Variants in SASH1 observed in about 807,000 individuals in gnomAD.
SASH1 encodes SAM and SH3 domain containing 1.
Under a neutral mutation model 125.2 loss-of-function variants are expected in SASH1, and 44 were observed. That is an observed-to-expected ratio of 0.35 (90% confidence interval 0.28 to 0.45). The LOEUF (loss-of-function observed/expected upper bound fraction) is 0.45, where lower values mean the gene tolerates loss of function less well. SASH1 is among the 20% of genes least tolerant of loss of function. SASH1 has a pLI of 1.00. For missense variants in SASH1, 1,426 were observed against 1,614.5 expected (o/e 0.88, Z 2.00); for synonymous variants, 639 against 649.1 (o/e 0.98, Z 0.24).
At position 148,322,896 on chromosome 6, in the gene SASH1, C is replaced by A. The variant is rs1780678799; in HGVS notation, n.74+50519C>A. On this transcript the variant is annotated intron_variant and non_coding_transcript_variant, in intron 1 of 3. Transcript: ENST00000367469. ...CTTTCTTTCTTTCTTTTTCTTCTTT[C>A]TTTCTCTCTCTTTCTTTCTTTTTTC... Among the ~76,000 whole-genome samples the A allele has an allele frequency of 4.3e-5, 6 of 139,084 alleles. 1 individual carries two copies. The highest frequency in any genetic ancestry group is 2.2e-4 in the Admixed American group (3 of 13,414). 91.2% of individuals were successfully genotyped at this position (139,084 alleles called of 152,430 possible).
chr6:148,228,634 G>A, the SASH1 span, among the ~76,000 whole-genome samples: 4 of 152,186 alleles, frequency 2.6e-5, no homozygotes, highest in African/African-American at 9.6e-5. Context: ...ATTAGGTCAT[G>A]GTACAGTTAG....
chr6:148,202,330 G>T, the SASH1 span, among the ~76,000 whole-genome samples: 4 of 152,110 alleles, frequency 2.6e-5, no homozygotes, highest in Admixed American at 2.6e-4. Context: ...AGGGCACAGC[G>T]CTGGTTCCAC....
At chr6:148,343,479 C>A (rs879403561) in intron 1 of SASH1, among the ~76,000 whole-genome samples, 1 of 152,168 alleles carries the variant, frequency 6.6e-6, no homozygotes, top group African/African-American at 2.4e-5. Flanking sequence ...ATCTGGGACA[C>A]CTGCTGACAT....
chr6:148,448,467 G>A (rs779976056), intron 4 of SASH1, among the ~76,000 whole-genome samples: 12 of 152,078 alleles, frequency 7.9e-5, no homozygotes, highest in African/African-American at 1.7e-4. Flanking sequence ...CTCTCCCCAC[G>A]TGAGTCCCTG....
In SASH1 at chr6:148,491,250, T is replaced by C. The variant is rs540588719; in HGVS notation, c.729+3535T>C. On this transcript the variant is annotated intron_variant, in intron 8 of 19. Transcript: ENST00000367467. Reference sequence around the variant, plus strand: ...CTATAGAAATATTTCAAGAAGAGCATTGTATTTGAACATTCATTCTTTTTT... The same window carrying C: ...CTATAGAAATATTTCAAGAAGAGCACTGTATTTGAACATTCATTCTTTTTT... Among the ~76,000 whole-genome samples, 9 of 152,308 alleles carry C rather than the reference T, an allele frequency of 5.9e-5. No individual in the cohort carries two copies. The East Asian group carries it at 9.6e-4, about 16-fold the overall frequency.
chr6:148,280,680 T>C (rs1013598367), intron 1 of SASH1, among the ~76,000 whole-genome samples: 1 of 152,058 alleles, frequency 6.6e-6, no homozygotes, highest in Non-Finnish European at 1.5e-5. Context: ...TGGTTGCACA[T>C]GCCTATAGTC....
chr6:148,506,899 A>G (rs1779832055), intron 8 of SASH1, among the ~76,000 whole-genome samples: 1 of 152,224 alleles, frequency 6.6e-6, no homozygotes. Flanking sequence ...ATACAGTCTC[A>G]GATTCTGCCC....
At chr6:148,400,682 T>C (rs1209970032) in intron 2 of SASH1, among the ~76,000 whole-genome samples, 7 of 152,092 alleles carry the variant, frequency 4.6e-5, no homozygotes, top group African/African-American at 9.7e-5. Context: ...ACCCGGGAAG[T>C]TGAGGCTGCA....
chr6:148,271,013 G>A (rs2128502463), upstream of SASH1, among the ~76,000 whole-genome samples: 2 of 151,248 alleles, frequency 1.3e-5, no homozygotes, highest in Middle Eastern at 6.8e-3. Flanking sequence ...GGGTTCAAGT[G>A]ATTCTCCTGT....
chr6:148,527,024 C>G (rs1229054603), intron 11 of SASH1, among the ~76,000 whole-genome samples: 1 of 152,100 alleles, frequency 6.6e-6, no homozygotes, highest in Non-Finnish European at 1.5e-5. Context: ...AGACGCCCAC[C>G]ACCACGCCCA....
At chr6:148,201,698 G>A in the SASH1 span, among the ~76,000 whole-genome samples, 4 of 152,114 alleles carry the variant, frequency 2.6e-5, no homozygotes, top group African/African-American at 9.7e-5. Context: ...GGGGCCTGTC[G>A]AAGACCTGGA....
chr6:148,244,928 GTGTA>G, the SASH1 span, among the ~76,000 whole-genome samples: 612 of 115,378 alleles, frequency 5.3e-3, 9 homozygotes, highest in African/African-American at 0.013. Flanking sequence ...GTGTGTGTGT[GTGTA>G]TGTGTGTGTG....
chr6:148,288,842 CA>C lies in SASH1; in HGVS notation n.74+16468del, dbSNP rs540521504. Among the ~76,000 whole-genome samples the C allele has an allele frequency of 2.3e-3, 347 of 152,314 alleles. 1 individual carries two copies. The highest frequency in any genetic ancestry group is 4.0e-3 in the Non-Finnish European group (275 of 68,024). On this transcript the variant is annotated intron_variant and non_coding_transcript_variant, in intron 1 of 3. Coordinates refer to the SASH1 transcript ENST00000367469. ...CTAAATGTGAACACCACATGTTGCT[CA>C]AATTATTGACATCAAAGCCTGGTTA...
chr6:148,381,649 A>G (rs1360678344), intron 1 of SASH1, among the ~76,000 whole-genome samples: 1 of 49,576 alleles, frequency 2.0e-5, no homozygotes, highest in African/African-American at 7.0e-5. Context: ...TTTTTGAGAC[A>G]GAGTCTTGCT....
chr6:148,242,112 C>G, the SASH1 span, among the ~76,000 whole-genome samples: 6,123 of 152,216 alleles, frequency 0.04, 192 homozygotes, highest in East Asian at 0.15. Context: ...TAATGTAGGA[C>G]TATTCAGGAT....
chr6:148,207,532 T>G, the SASH1 span, among the ~76,000 whole-genome samples: 1 of 152,136 alleles, frequency 6.6e-6, no homozygotes, highest in Non-Finnish European at 1.5e-5. Context: ...TAAGCTGTTA[T>G]TAGTTGTTTA....
chr6:148,206,793 G>GCGCGCACACA, the SASH1 span, among the ~76,000 whole-genome samples: 1 of 134,460 alleles, frequency 7.4e-6, no homozygotes, highest in African/African-American at 2.8e-5. Context: ...CCATCTCAAA[G>GCGCGCACACA]CACACACACA....
chr6:148,411,166 C>CAAAAAAAAAAAAAAAAAAAAAAAAA lies in SASH1; in HGVS notation c.285+20910_285+20934dup, dbSNP rs56342457. Among the ~76,000 whole-genome samples, 4 of 46,182 alleles carry CAAAAAAAAAAAAAAAAAAAAAAAAA rather than the reference C, an allele frequency of 8.7e-5. 1 individual carries two copies. The highest frequency in any genetic ancestry group is 1.5e-4 in the Non-Finnish European group (4 of 26,404). 30.3% of individuals were successfully genotyped at this position (46,182 alleles called of 152,430 possible). On this transcript the variant is annotated intron_variant, in intron 2 of 19. Transcript: ENST00000367467. ...TACAACAAGAGCGAAACTCCATCTC[C>CAAAAAAAAAAAAAAAAAAAAAAAAA]AAAAAAAAAAAAAAAAAAAAAAAAA...
chr6:148,307,090 T>TTC (rs1170335424), intron 1 of SASH1, among the ~76,000 whole-genome samples: 1 of 119,844 alleles, frequency 8.3e-6, no homozygotes, highest in African/African-American at 3.6e-5. Context: ...CTTTCTTTCT[T>TTC]TCTTTCTCTC....
Sources: allele counts gnomAD v4.1 joint callset (sites outside exome capture counted in the v4.1 genomes callset), GRCh38; gene constraint gnomAD v4.1.1; transcripts MANE v1.5; gene names NCBI Gene and HGNC (gene_info 2026-07-23, HGNC 2026-07-21).